Variants in ARMC3 observed in about 807,000 individuals in gnomAD.
ARMC3 encodes armadillo repeat-containing protein 3.
ARMC3 carries 74 observed loss-of-function variants against 90.3 expected under a neutral mutation model. The ratio of observed to expected loss-of-function variants is 0.82; its 90% confidence interval spans 0.68 to 0.99. The LOEUF (loss-of-function observed/expected upper bound fraction) is 0.99. Among genes scored for constraint, ARMC3 ranks in the 50% least tolerant of loss-of-function variants. The pLI, the probability that ARMC3 is intolerant of heterozygous loss-of-function variation, is 0.00. For synonymous variants in ARMC3, 334 were observed against 361.8 expected (o/e 0.92, Z 0.87); for missense variants, 958 against 1,042.8 (o/e 0.92, Z 1.12).
chr10:22,998,775 G>T (rs1470639498), intron 11 of ARMC3, among the ~76,000 whole-genome samples: 1 of 152,174 alleles, frequency 6.6e-6, no homozygotes, highest in East Asian at 1.9e-4. Context: ...GAAAATGAAT[G>T]AGCTACAGCC....
intron 8 of ARMC3, among the ~76,000 whole-genome samples, chr10:22,979,288 T>C (rs1836081787): frequency 6.6e-6 from 1 of 152,230 alleles, no homozygotes. Context: ...ACACAAATAC[T>C]CCTTGGTGTA....
In ARMC3 at chr10:23,021,582, G is replaced by T. The variant is rs142962716; in HGVS notation, c.2046-9014G>T. 2.3e-3 allele frequency among the ~76,000 whole-genome samples: 353 copies of T among 152,244 alleles called. 3 individuals are homozygous for T. The highest frequency in any genetic ancestry group is 0.017 in the East Asian group (86 of 5,182). On this transcript the variant is annotated intron_variant, in intron 16 of 18. Coordinates refer to ENST00000298032, the MANE Select transcript of ARMC3 (RefSeq NM_173081.5). The stretch of plus-strand genomic sequence containing the variant: ...TTCTGAAATGATTAGTGATGTTGCA[G>T]ATTTTTTCATATATTTGTTGGCTGC...
chr10:22,975,404 A>C (rs947717113), intron 8 of ARMC3, among the ~76,000 whole-genome samples: 2 of 152,106 alleles, frequency 1.3e-5, no homozygotes, highest in African/African-American at 4.8e-5. Context: ...CTCTACTAAA[A>C]ATACAAAAAA....
intron 8 of ARMC3, among the ~76,000 whole-genome samples, chr10:22,975,426 G>T (rs1457481524): frequency 2.0e-5 from 3 of 152,116 alleles, no homozygotes; most frequent in African/African-American, 7.2e-5. Context: ...TTAGCCAGGT[G>T]TAGTGATACA....
chr10:23,038,007 T>G lies in ARMC3; in HGVS notation c.*528T>G, dbSNP rs1839185725. The G allele has an allele frequency of 6.6e-6, 1 of 152,232 alleles. No individual in the cohort carries two copies. The highest frequency in any genetic ancestry group is 2.4e-5 in the African/African-American group (1 of 41,456). 9.4% of individuals were successfully genotyped at this position (152,232 alleles called of 1,614,324 possible). ...TTTCTAAAAATTTTTGTTTCTATTT[T>G]TAAAAATTCATCATTAAAAACACTT... On this transcript the variant is annotated 3_prime_UTR_variant, in exon 19 of 19. Transcript: ENST00000298032.
At chr10:23,003,180 A>G in intron 12 of ARMC3, 66 bp from the exon 13 acceptor site, 3 of 1,444,420 alleles carry the variant, frequency 2.1e-6, no homozygotes, top group Non-Finnish European at 2.8e-6. Context: ...AAGTCGGTAT[A>G]TAAGTGGAGA....
At chr10:22,958,942 C>T (rs1018788143) in intron 4 of ARMC3, 128 bp from the exon 5 acceptor site, 7 of 707,278 alleles carry the variant, frequency 9.9e-6, no homozygotes, top group Middle Eastern at 4.0e-4. Context: ...AGGCTGGTCT[C>T]GAACTCCTGA....
intron 4 of ARMC3, 53 bp from the exon 5 acceptor site, chr10:22,959,017 C>A (rs1322908125): frequency 4.2e-6 from 6 of 1,427,268 alleles, no homozygotes; most frequent in South Asian, 1.1e-5. Flanking sequence ...GCCACCACAC[C>A]CGGCCTATTA....
chr10:22,946,674 TCTC>T (rs1342738815), intron 3 of ARMC3: 1 of 153,040 alleles, frequency 6.5e-6, no homozygotes, highest in African/African-American at 2.5e-5. Flanking sequence ...AAGAGACAAA[TCTC>T]CTATGCAGAA....
chr10:22,946,511 G>A (rs1344321580), intron 3 of ARMC3: 1 of 274,754 alleles, frequency 3.6e-6, no homozygotes, highest in Non-Finnish European at 6.9e-6. Context: ...TTTAGAAATT[G>A]TAAATGTCAC....
intron 2 of ARMC3, among the ~76,000 whole-genome samples, chr10:22,941,620 A>G (rs1305618759): frequency 6.6e-6 from 1 of 152,196 alleles, no homozygotes; most frequent in Non-Finnish European, 1.5e-5. Flanking sequence ...TAAAAAGCCA[A>G]AGCACCTATT....
At chr10:22,929,655 C>A (rs1283233514) in intron 1 of ARMC3, among the ~76,000 whole-genome samples, 2 of 152,222 alleles carry the variant, frequency 1.3e-5, no homozygotes, top group Non-Finnish European at 2.9e-5. Context: ...TCAAGCAATT[C>A]TCCTGCCTCA....
Position 23,008,873 on chromosome 10 carries a change from C to A in ARMC3, c.1987C>A (p.Pro663Thr). The change falls in exon 16 of 19, where the codon CCA (proline) becomes ACA (threonine). Residue 663 changes from proline to threonine, a missense_variant. Physicochemically the swap from Pro to Thr is conservative, Grantham distance 38 (BLOSUM62 -1). Coordinates refer to ENST00000298032, the MANE Select transcript of ARMC3 (RefSeq NM_173081.5). Reference protein sequence around the residue: ...FGSPIEDKSEPASGRNTVLSK... With the variant: ...FGSPIEDKSETASGRNTVLSK... ...ATCTCCCATAGAAGACAAATCAGAGCCAGCTTCTGGACGAAATACTGTTCT... is the reference window on the plus strand; with the variant it reads ...ATCTCCCATAGAAGACAAATCAGAGACAGCTTCTGGACGAAATACTGTTCT... 1 of 1,613,450 alleles carries A rather than the reference C, an allele frequency of 6.2e-7. No homozygotes were observed. The highest frequency in any genetic ancestry group is 8.5e-7 in the Non-Finnish European group (1 of 1,179,750).
intron 16 of ARMC3, among the ~76,000 whole-genome samples, chr10:23,012,631 AC>A (rs1278256000): frequency 6.6e-6 from 1 of 151,776 alleles, no homozygotes; most frequent in Non-Finnish European, 1.5e-5. Context: ...CCATACAATC[AC>A]CCATGCCTAG....
chr10:23,006,925 C>T lies in ARMC3; in HGVS notation c.1773C>T (p.Cys591=). 2 of 1,613,968 alleles carry T rather than the reference C, an allele frequency of 1.2e-6. No individual in the cohort carries two copies. The highest frequency in any genetic ancestry group is 1.7e-6 in the Non-Finnish European group (2 of 1,179,930). Residue 591 remains cysteine, a synonymous_variant, in exon 14 of 19, where the codon TGC becomes TGT. Coordinates refer to ENST00000298032, the MANE Select transcript of ARMC3 (RefSeq NM_173081.5). ...AACTGTTGCCTTTGAAGGAGCTCTG[C>T]TTACAAGAACCAAGTGACCTACGGG... ...GTKLLPLKEL[C]LQEPSDLRAV... is the part of the protein sequence containing the mutation.
At chr10:22,985,046 ATTTTTTT>A (rs535085393) in intron 10 of ARMC3, among the ~76,000 whole-genome samples, 1 of 83,610 alleles carries the variant, frequency 1.2e-5, no homozygotes, top group Non-Finnish European at 2.3e-5. Context: ...TTAATTTTTC[ATTTTTTT>A]TTTTTTTTTT....
intron 2 of ARMC3, among the ~76,000 whole-genome samples, chr10:22,939,164 G>A (rs961462639): frequency 6.6e-6 from 1 of 152,158 alleles, no homozygotes; most frequent in African/African-American, 2.4e-5. Context: ...ACTATCTAAG[G>A]ACAGTTGGTT....
intron 10 of ARMC3, among the ~76,000 whole-genome samples, chr10:22,984,431 G>A (rs1334755028): frequency 6.6e-6 from 1 of 152,038 alleles, no homozygotes; most frequent in Non-Finnish European, 1.5e-5. Context: ...TGTACTTGTG[G>A]TAACGCTTTT....
chr10:22,950,783 A>G (rs1438780023), intron 3 of ARMC3, among the ~76,000 whole-genome samples: 1 of 152,204 alleles, frequency 6.6e-6, no homozygotes, highest in Admixed American at 6.5e-5. Context: ...ATGACAACAG[A>G]TATGTCATGC....
Sources: allele counts gnomAD v4.1 joint callset (sites outside exome capture counted in the v4.1 genomes callset), GRCh38; gene constraint gnomAD v4.1.1; transcripts MANE v1.5; gene names NCBI Gene and HGNC (gene_info 2026-07-23, HGNC 2026-07-21).